BMPER: variants seen among roughly 807,000 people sequenced by gnomAD.
The protein encoded by BMPER is BMP binding endothelial regulator, also known as BMP-binding endothelial regulator protein.
Under a neutral mutation model 87.3 loss-of-function variants are expected in BMPER, and 45 were observed. The ratio of observed to expected loss-of-function variants is 0.52; its 90% confidence interval spans 0.41 to 0.66. The LOEUF is 0.66. Among genes scored for constraint, BMPER ranks in the 30% least tolerant of loss-of-function variants. BMPER has a pLI of 0.00. For synonymous variants in BMPER, 326 were observed against 316.2 expected, an observed-to-expected ratio of 1.03 and a Z score of -0.33; for missense variants, 784 against 867.5, an observed-to-expected ratio of 0.90 and a Z score of 1.21.
chr7:34,052,740 T>C (rs1256140234), intron 8 of BMPER, among the ~76,000 whole-genome samples: 1 of 151,834 alleles, frequency 6.6e-6, no homozygotes, highest in Admixed American at 6.6e-5. Flanking sequence ...CTACTCAATA[T>C]CAGCTATGAG....
chr7:33,995,877 G>A lies in BMPER; in HGVS notation c.576+21093G>A, dbSNP rs371807134. Among the ~76,000 whole-genome samples, 203 of 152,308 alleles carry A rather than the reference G, an allele frequency of 1.3e-3. 1 individual carries two copies. The highest frequency in any genetic ancestry group is 4.7e-3 in the African/African-American group (196 of 41,562). On this transcript the variant is annotated intron_variant, in intron 6 of 14. Coordinates refer to ENST00000649409, the MANE Select transcript of BMPER (RefSeq NM_001365308.1). ...TCTACCTGGGATCTGGCCCCACTGAGGCCAGGGTGCCCTGGTGGGTGGAAC... is the reference window on the plus strand; with the variant it reads ...TCTACCTGGGATCTGGCCCCACTGAAGCCAGGGTGCCCTGGTGGGTGGAAC...
intron 13 of BMPER, among the ~76,000 whole-genome samples, chr7:34,105,873 A>G (rs1303808948): frequency 6.6e-6 from 1 of 152,072 alleles, no homozygotes; most frequent in Non-Finnish European, 1.5e-5. Context: ...CAGATTTTAG[A>G]CCCATTTTCC....
At chr7:34,123,335 G>T (rs1477628766) in intron 13 of BMPER, among the ~76,000 whole-genome samples, 9 of 152,182 alleles carry the variant, frequency 5.9e-5, no homozygotes, top group African/African-American at 2.2e-4. Flanking sequence ...GTCCTTGTTA[G>T]CTGTGTTCAA....
rs180713286 is a variant in BMPER, at chr7:33,967,140, A to G, written c.402+579A>G. On this transcript the variant is annotated intron_variant, in intron 4 of 14. Transcript: ENST00000649409. Reference sequence around the variant, plus strand: ...GCTCTAACCCCATCAGGTGTTAAACACAGCAAGATAAACTAAAGCAGAAAT... The same window carrying G: ...GCTCTAACCCCATCAGGTGTTAAACGCAGCAAGATAAACTAAAGCAGAAAT... 2.0e-5 allele frequency among the ~76,000 whole-genome samples: 3 copies of G among 152,362 alleles called. No homozygotes were observed. The East Asian group carries it at 5.8e-4, about 29-fold the overall frequency.
intron 6 of BMPER, among the ~76,000 whole-genome samples, chr7:34,040,262 G>A (rs957872214): frequency 1.3e-5 from 2 of 152,170 alleles, no homozygotes; most frequent in African/African-American, 4.8e-5. Flanking sequence ...AATGGGGACA[G>A]GAGGCCAAGG....
chr7:33,982,958 G>A (rs1014892587), intron 6 of BMPER, among the ~76,000 whole-genome samples: 14 of 152,174 alleles, frequency 9.2e-5, no homozygotes, highest in Non-Finnish European at 1.2e-4. Context: ...ATTTGGACTG[G>A]GAAAATTTCA....
rs68052795 is a variant in BMPER, at chr7:34,153,398, G to GTATA, written c.*134_*137dup. ...ACACACACACACAGAGTATATATGT[G>GTATA]TATATATATATAGATATATTCAAAA... On this transcript the variant is annotated 3_prime_UTR_variant, in exon 15 of 15. Transcript: ENST00000649409. The GTATA allele has an allele frequency of 1.4e-4, 107 of 784,226 alleles. No individual in the cohort carries two copies. Among genetic ancestry groups the GTATA allele is most frequent in the Non-Finnish European group, 1.9e-4 (89 of 470,524 alleles). 48.6% of individuals were successfully genotyped at this position (784,226 alleles called of 1,614,324 possible).
chr7:33,997,818 C>T (rs1786459352), intron 6 of BMPER, among the ~76,000 whole-genome samples: 1 of 152,150 alleles, frequency 6.6e-6, no homozygotes, highest in Non-Finnish European at 1.5e-5. Flanking sequence ...TTCTTCAGCT[C>T]CTTGAAGGAA....
chr7:33,926,288 T>G (rs1784360358), intron 2 of BMPER, among the ~76,000 whole-genome samples: 2 of 152,204 alleles, frequency 1.3e-5, no homozygotes, highest in Non-Finnish European at 2.9e-5. Flanking sequence ...CCATGCCACA[T>G]GTTTCTAATA....
chr7:34,039,330 G>T (rs897714100), intron 6 of BMPER, among the ~76,000 whole-genome samples: 6 of 152,118 alleles, frequency 3.9e-5, no homozygotes, highest in Non-Finnish European at 8.8e-5. Flanking sequence ...CGCATTCCTG[G>T]ACTGTGGTTT....
At chr7:34,017,888 A>T (rs1414940950) in intron 6 of BMPER, among the ~76,000 whole-genome samples, 1 of 144,070 alleles carries the variant, frequency 6.9e-6, no homozygotes, top group Non-Finnish European at 1.5e-5. Context: ...TAACCTTACC[A>T]CCACCTGTGT....
chr7:34,117,321 C>T (rs1242464064), intron 13 of BMPER, among the ~76,000 whole-genome samples: 2 of 152,124 alleles, frequency 1.3e-5, no homozygotes, highest in African/African-American at 4.8e-5. Context: ...TTTTATAAGA[C>T]CACCAGGATC....
In BMPER at chr7:33,991,006, G is replaced by T. The variant is rs866877381; in HGVS notation, c.576+16222G>T. ...GGATAAGCTTTTTGATGTGCTGCTG[G>T]ATTCGGTTTGCCAGTATTTTATTGA... On this transcript the variant is annotated intron_variant, in intron 6 of 14. Transcript: ENST00000649409. Among the ~76,000 whole-genome samples, 315 of 140,608 alleles carry T rather than the reference G, an allele frequency of 2.2e-3. 1 individual carries two copies. The highest frequency in any genetic ancestry group is 7.8e-3 in the African/African-American group (293 of 37,542). The allele number at this position is 140,608 out of a possible 152,430, so 92.2% of individuals were successfully genotyped here. A position where few individuals can be genotyped will look rare whatever the true frequency, so the allele number is the denominator to read the frequency against.
intron 3 of BMPER, among the ~76,000 whole-genome samples, chr7:33,965,325 A>C (rs1036585913): frequency 6.6e-6 from 1 of 152,214 alleles, no homozygotes; most frequent in Non-Finnish European, 1.5e-5. Context: ...CATAGTTCCA[A>C]GTTTATGAAA....
At chr7:34,151,483 G>A (rs2127996931) in intron 14 of BMPER, among the ~76,000 whole-genome samples, 1 of 152,320 alleles carries the variant, frequency 6.6e-6, no homozygotes, top group Non-Finnish European at 1.5e-5. Flanking sequence ...ATGTTATTTT[G>A]AATAGGAAGT....
chr7:33,993,811 T>C (rs1786308465), intron 6 of BMPER, among the ~76,000 whole-genome samples: 1 of 152,238 alleles, frequency 6.6e-6, no homozygotes, highest in Non-Finnish European at 1.5e-5. Flanking sequence ...ATGGATGTCC[T>C]TTCTGTTTGT....
At chr7:34,096,045 G>A (rs1789522123) in intron 13 of BMPER, among the ~76,000 whole-genome samples, 1 of 151,898 alleles carries the variant, frequency 6.6e-6, no homozygotes, top group Non-Finnish European at 1.5e-5. Flanking sequence ...CTTTCTCCTC[G>A]TCACATCACC....
intron 13 of BMPER, among the ~76,000 whole-genome samples, chr7:34,142,565 T>A (rs181723072): frequency 5.4e-4 from 83 of 152,374 alleles, no homozygotes; most frequent in Non-Finnish European, 9.4e-4. Context: ...TTCAATTCTG[T>A]TCATCTTGCA....
intron 2 of BMPER, among the ~76,000 whole-genome samples, chr7:33,920,188 T>A (rs951865799): frequency 1.3e-5 from 2 of 152,188 alleles, no homozygotes; most frequent in Non-Finnish European, 2.9e-5. Context: ...CCAATTTGGC[T>A]ACTTGTCTTC....
Sources: gnomAD v4.1 joint callset for allele counts (sites outside exome capture counted in the v4.1 genomes callset) on GRCh38, gnomAD v4.1.1 for gene constraint, MANE v1.5 for transcripts, NCBI Gene and HGNC (gene_info 2026-07-23, HGNC 2026-07-21) for gene names.